The following TBC1D10A variants were observed in gnomAD, a reference collection of about 807,000 sequenced individuals.
The protein encoded by TBC1D10A is TBC1 domain family member 10A.
In TBC1D10A, 24 loss-of-function variants were observed where a neutral mutation model predicts 52.9. That is an observed-to-expected ratio of 0.45 (90% CI 0.33 to 0.64). The LOEUF is 0.64. Ranked by LOEUF, TBC1D10A falls within the 30% of genes least tolerant of loss-of-function variation. The pLI is 0.02. For synonymous variants in TBC1D10A, 278 were observed against 282.9 expected, an observed-to-expected ratio of 0.98 and a Z score of 0.17; for missense variants, 602 against 687.9, an observed-to-expected ratio of 0.88 and a Z score of 1.40.
In TBC1D10A at chr22:30,292,425, G is replaced by T. The variant is rs187717533; in HGVS notation, c.1477C>A (p.Arg493Ser). The change falls in exon 9 of 9, where the codon CGC (arginine) becomes AGC (serine). Residue 493 changes from arginine (R) to serine (S), a missense_variant. Physicochemically the swap from Arg to Ser is moderately radical, Grantham distance 110. This residue lies in a region of TBC1D10A where 265 missense variants were observed against 275.1 expected (regional missense o/e 0.96). Transcript: ENST00000215790. ...DLAPQVSAHHRSQESLTSQES... is the reference protein window; with the variant it reads ...DLAPQVSAHHSSQESLTSQES... ...TGGGACGTCAAGCTCTCCTGGGAGCGGTGGTGGGCTGAGACCTGGGGAGCC... is the reference window on the plus strand; with the variant it reads ...TGGGACGTCAAGCTCTCCTGGGAGCTGTGGTGGGCTGAGACCTGGGGAGCC... 6.3e-7 allele frequency: 1 copy of T among 1,593,220 alleles called. No individual in the cohort carries two copies. Among genetic ancestry groups the T allele is most frequent in the Admixed American group, 1.7e-5 (1 of 57,762 alleles).
chr22:30,321,881 A>C (rs1442654322), intron 1 of TBC1D10A, among the ~76,000 whole-genome samples: 1 of 152,024 alleles, frequency 6.6e-6, no homozygotes, highest in African/African-American at 2.4e-5. Flanking sequence ...GGGACACCAA[A>C]CAAGTCTGTT....
Position 30,299,450 on chromosome 22 carries a change from C to T in TBC1D10A, c.411G>A (p.Lys137=). The change falls in exon 3 of 9, where the codon AAG becomes AAA. Residue 137 remains lysine, a synonymous_variant. Coordinates refer to ENST00000215790, the MANE Select transcript of TBC1D10A (RefSeq NM_031937.3). ...CAAAGGAAGGGAAACTTACGTCAAACTTTCCAGGGTTCTGCTGTAACTTCA... is the reference window on the plus strand; with the variant it reads ...CAAAGGAAGGGAAACTTACGTCAAATTTTCCAGGGTTCTGCTGTAACTTCA... ...GKVKLQQNPG[K]FDELDMSPGD... 6.2e-7 allele frequency: 1 copy of T among 1,614,056 alleles called. No homozygotes were observed. The highest frequency in any genetic ancestry group is 8.5e-7 in the Non-Finnish European group (1 of 1,179,918).
chr22:30,308,046 T>C (rs1930345106), intron 1 of TBC1D10A, among the ~76,000 whole-genome samples: 1 of 152,232 alleles, frequency 6.6e-6, no homozygotes, highest in Non-Finnish European at 1.5e-5. Context: ...TCCACCCGCC[T>C]CGGCCTCCTG....
Position 30,292,794 on chromosome 22 carries a change from G to A in TBC1D10A, c.1108C>T (p.Arg370Trp), listed in dbSNP as rs754413591. ...TCACCCCGGGTCTCCTGCCAGCGCC[G>A]CAGCTGAATGAGGTGTTCGCGCTCA... is the stretch of plus-strand genomic sequence containing the variant. ...QIEREHLIQLRRWQETRGELQ... is the reference protein window; with the variant it reads ...QIEREHLIQLWRWQETRGELQ... Residue 370 changes from arginine to tryptophan, a missense_variant, in exon 9 of 9, where the codon CGG becomes TGG. By Grantham distance (101) the Arg-to-Trp change is moderately radical. This residue lies in a region of TBC1D10A where 265 missense variants were observed against 275.1 expected (regional missense o/e 0.96). Transcript: ENST00000215790. The A allele has an allele frequency of 2.9e-5, 47 of 1,611,894 alleles. No individual in the cohort carries two copies. Among genetic ancestry groups the A allele is most frequent in the Middle Eastern group, 2.0e-4 (1 of 5,102 alleles).
intron 6 of TBC1D10A, 81 bp downstream of exon 6, chr22:30,294,715 G>T: frequency 6.3e-7 from 1 of 1,588,448 alleles, no homozygotes; most frequent in Non-Finnish European, 8.6e-7. Flanking sequence ...AACCTGGGCA[G>T]GAGTTACTAT....
At chr22:30,319,314 A>G (rs1454244090) in intron 1 of TBC1D10A, among the ~76,000 whole-genome samples, 1 of 152,150 alleles carries the variant, frequency 6.6e-6, no homozygotes, top group South Asian at 2.1e-4. Flanking sequence ...CTGTGGTTCT[A>G]TTTTTCAGCA....
rs6147586 is a variant in TBC1D10A at position 30,313,341 on chromosome 22, A to ATGTGTGTGTG, written c.210-8721_210-8712dup. Among the ~76,000 whole-genome samples the ATGTGTGTGTG allele has an allele frequency of 9.2e-3, 1,269 of 138,080 alleles. 11 individuals carry two copies. The highest frequency in any genetic ancestry group is 0.015 in the African/African-American group (535 of 35,496). 90.6% of individuals were successfully genotyped at this position (138,080 alleles called of 152,430 possible). A position where few individuals can be genotyped will look rare whatever the true frequency, so the allele number is the denominator to read the frequency against. ...CTGATACCTAGCTGGTGCTCAATAAATGTGTGTGTGTGTGTGTGTGTGTGT... is the reference window on the plus strand; with the variant it reads ...CTGATACCTAGCTGGTGCTCAATAAATGTGTGTGTGTGTGTGTGTGTGTGTGTGTGTGTGT... On this transcript the variant is annotated intron_variant, in intron 1 of 8. Coordinates refer to ENST00000215790, the MANE Select transcript of TBC1D10A (RefSeq NM_031937.3).
chr22:30,307,311 G>A (rs1431770070), intron 1 of TBC1D10A, among the ~76,000 whole-genome samples: 3 of 152,192 alleles, frequency 2.0e-5, no homozygotes, highest in Non-Finnish European at 2.9e-5. Flanking sequence ...CCTTAAGGTA[G>A]ACTGAGGGAG....
intron 1 of TBC1D10A, among the ~76,000 whole-genome samples, chr22:30,321,461 A>G (rs768398407): frequency 1.3e-5 from 2 of 152,274 alleles, no homozygotes; most frequent in African/African-American, 2.4e-5. Context: ...CCCCACTCCA[A>G]TAAAAACTGG....
At chr22:30,299,275 A>C (rs1258270868) in intron 3 of TBC1D10A, 169 bp downstream of exon 3, 7 of 632,096 alleles carry the variant, frequency 1.1e-5, no homozygotes, top group Non-Finnish European at 1.7e-5. Context: ...ACAGGTACCC[A>C]GGACTGGGCC....
Position 30,291,991 on chromosome 22 carries a change from C to T in TBC1D10A, c.*384G>A, listed in dbSNP as rs1929952024. On this transcript the variant is annotated 3_prime_UTR_variant, in exon 9 of 9. Coordinates refer to ENST00000215790, the MANE Select transcript of TBC1D10A (RefSeq NM_031937.3). ...CCCAGCCCCTAGCTGTACACGAGCT[C>T]TCTATACAAGGCTGTTTATTTCTGT... The T allele has an allele frequency of 5.7e-6, 1 of 176,468 alleles. No homozygotes were observed. The highest frequency in any genetic ancestry group is 2.4e-5 in the African/African-American group (1 of 42,358). 10.9% of individuals were successfully genotyped at this position (176,468 alleles called of 1,614,324 possible).
chr22:30,310,831 T>G (rs1327503449), intron 1 of TBC1D10A, among the ~76,000 whole-genome samples: 1 of 151,932 alleles, frequency 6.6e-6, no homozygotes, highest in Non-Finnish European at 1.5e-5. Flanking sequence ...ACATATAAAG[T>G]CCCCCGCTCA....
At chr22:30,313,271 G>T (rs1449057861) in intron 1 of TBC1D10A, among the ~76,000 whole-genome samples, 2 of 152,104 alleles carry the variant, frequency 1.3e-5, no homozygotes, top group Non-Finnish European at 2.9e-5. Context: ...CGTTCCTGGA[G>T]GGCAGGGGCT....
intron 2 of TBC1D10A, 149 bp from the exon 3 acceptor site, chr22:30,299,700 C>T (rs1054208574): frequency 3.8e-5 from 25 of 653,762 alleles, no homozygotes; most frequent in Non-Finnish European, 5.3e-5. Context: ...GGCAAGGTGG[C>T]TCACGCCTGT....
chr22:30,316,863 A>C (rs1415783025), intron 1 of TBC1D10A, among the ~76,000 whole-genome samples: 1 of 151,626 alleles, frequency 6.6e-6, no homozygotes, highest in Non-Finnish European at 1.5e-5. Flanking sequence ...ACATAGTGAG[A>C]CTCTGTCTCT....
intron 1 of TBC1D10A, among the ~76,000 whole-genome samples, chr22:30,326,123 G>A (rs891979069): frequency 6.6e-6 from 1 of 150,524 alleles, no homozygotes; most frequent in Admixed American, 6.6e-5. Flanking sequence ...TGTATGCCTC[G>A]AGGAAAGGGT....
At chr22:30,296,117 C>G (rs1930075428) in intron 3 of TBC1D10A, 2 of 433,814 alleles carry the variant, frequency 4.6e-6, no homozygotes, top group Non-Finnish European at 8.3e-6. Context: ...CCAGCTGCGG[C>G]TGGAAGGACC....
At chr22:30,304,483 C>T in intron 2 of TBC1D10A, 48 bp downstream of exon 2, 1 of 1,612,536 alleles carries the variant, frequency 6.2e-7, no homozygotes, top group Non-Finnish European at 8.5e-7. Flanking sequence ...TCCTCCTCCT[C>T]CCCAAGCTGC....
Position 30,303,268 on chromosome 22 carries a change from G to GTCTGTC in TBC1D10A, c.309+1262_309+1263insGACAGA, listed in dbSNP as rs1569160907. On this transcript the variant is annotated intron_variant, in intron 2 of 8. Transcript: ENST00000215790. ...CACTACAGCCTGGGTGACAGAGTGA[G>GTCTGTC]ACCCTGTCTCAAATAAATAGTTAGA... is the stretch of plus-strand genomic sequence containing the variant. Among the ~76,000 whole-genome samples the GTCTGTC allele has an allele frequency of 2.0e-5, 3 of 152,120 alleles. No individual in the cohort carries two copies. In the East Asian group the frequency reaches 5.8e-4, roughly 29 times the overall value.
Sources: gnomAD v4.1 joint callset for allele counts (sites outside exome capture counted in the v4.1 genomes callset) on GRCh38, gnomAD v4.1.1 for gene constraint, gnomAD v4.1.1 regional missense constraint, MANE v1.5 for transcripts, NCBI Gene and HGNC (gene_info 2026-07-23, HGNC 2026-07-21) for gene names.